Variants in MCUB observed in about 807,000 individuals in gnomAD.
The protein encoded by MCUB is calcium uniporter regulatory subunit MCUb, mitochondrial.
In MCUB, 46 loss-of-function variants were observed where a neutral mutation model predicts 41.4. The observed-to-expected ratio is 1.11, with a 90% CI of 0.88 to 1.42. The LOEUF (loss-of-function observed/expected upper bound fraction) is 1.42. MCUB is among the 40% of genes most tolerant of loss of function. The pLI is 0.00. For synonymous variants in MCUB, 148 were observed against 148.2 expected, an observed-to-expected ratio of 1.00 and a Z score of 0.01; for missense variants, 403 against 404.9, an observed-to-expected ratio of 1.00 and a Z score of 0.04.
intron 4 of MCUB, among the ~76,000 whole-genome samples, chr4:109,677,272 G>A (rs1054121407): frequency 1.3e-5 from 2 of 152,176 alleles, no homozygotes; most frequent in Admixed American, 1.3e-4. Flanking sequence ...TATTTTGGAA[G>A]TACAAACTCC....
chr4:109,591,819 C>T (rs1727443521), intron 1 of MCUB, among the ~76,000 whole-genome samples: 1 of 151,934 alleles, frequency 6.6e-6, no homozygotes, highest in Admixed American at 6.5e-5. Flanking sequence ...CTGCCTCAGC[C>T]TCCCAAGTAG....
intron 1 of MCUB, among the ~76,000 whole-genome samples, chr4:109,590,079 T>C (rs1727396829): frequency 6.6e-6 from 1 of 152,206 alleles, no homozygotes; most frequent in African/African-American, 2.4e-5. Context: ...ATATCAATTA[T>C]CTGTTTCATT....
At chr4:109,575,675 A>G (rs912832938) in intron 1 of MCUB, among the ~76,000 whole-genome samples, 2 of 152,226 alleles carry the variant, frequency 1.3e-5, no homozygotes, top group African/African-American at 4.8e-5. Context: ...CCTCTCTTGG[A>G]GAGAAAATAT....
chr4:109,656,942 G>A (rs1406665537), intron 1 of MCUB, among the ~76,000 whole-genome samples: 1 of 152,062 alleles, frequency 6.6e-6, no homozygotes, highest in Non-Finnish European at 1.5e-5. Flanking sequence ...TGCTCAGGCC[G>A]GGTGTGGTGG....
At chr4:109,621,237 C>G (rs1728245483) in intron 1 of MCUB, among the ~76,000 whole-genome samples, 2 of 152,070 alleles carry the variant, frequency 1.3e-5, no homozygotes, top group Admixed American at 1.3e-4. Flanking sequence ...GTAAATCTTA[C>G]CAGTTTGATT....
At chr4:109,586,928 G>A (rs1246056867) in intron 1 of MCUB, among the ~76,000 whole-genome samples, 1 of 152,218 alleles carries the variant, frequency 6.6e-6, no homozygotes, top group Non-Finnish European at 1.5e-5. Context: ...ACCCACTTGA[G>A]GAGGCAGTCT....
chr4:109,683,101 T>C (rs1729756687), intron 5 of MCUB: 1 of 157,482 alleles, frequency 6.3e-6, no homozygotes, highest in Non-Finnish European at 1.4e-5. Context: ...CCCTTTCCTT[T>C]TTAGAGAATA....
intron 1 of MCUB, among the ~76,000 whole-genome samples, chr4:109,658,675 T>A (rs1729159526): frequency 6.6e-6 from 1 of 152,176 alleles, no homozygotes. Flanking sequence ...CTAGACTAGA[T>A]ATACTTATGT....
At chr4:109,630,382 A>G (rs1290159339) in intron 1 of MCUB, among the ~76,000 whole-genome samples, 1 of 152,158 alleles carries the variant, frequency 6.6e-6, no homozygotes, top group East Asian at 1.9e-4. Context: ...GGATCACTTG[A>G]GCCCAGGAGT....
At chr4:109,627,335 A>G (rs756330200) in intron 1 of MCUB, among the ~76,000 whole-genome samples, 28 of 152,194 alleles carry the variant, frequency 1.8e-4, no homozygotes, top group African/African-American at 5.3e-4. Flanking sequence ...ATTAATCTCA[A>G]TAATTACTTG....
intron 1 of MCUB, among the ~76,000 whole-genome samples, chr4:109,656,652 G>T (rs6816926): frequency 0.7 from 106,974 of 151,952 alleles, 38,314 homozygotes; most frequent in African/African-American, 0.83. Context: ...ATTATAGGCA[G>T]GAGCCATCAC....
chr4:109,597,158 C>T (rs1372034557), intron 1 of MCUB, among the ~76,000 whole-genome samples: 28 of 151,878 alleles, frequency 1.8e-4, no homozygotes, highest in Admixed American at 1.8e-3. Flanking sequence ...GGCAACCATC[C>T]GATTTCTCAA....
chr4:109,685,329 G>A lies in MCUB; in HGVS notation c.895G>A (p.Val299Met), dbSNP rs765764154. ...HKKSKQQHFD[V>M]QQYNKLKEDL... The stretch of plus-strand genomic sequence containing the variant: ...GAAATCAAAGCAACAGCACTTTGAT[G>A]TGCAGCAATACAACAAGTTAAAAGA... The change falls in exon 7 of 8, where the codon GTG (valine) becomes ATG (methionine). Residue 299 changes from valine to methionine, a missense_variant. Val to Met is a conservative substitution (Grantham distance 21). Coordinates refer to ENST00000394650, the MANE Select transcript of MCUB (RefSeq NM_017918.5). The A allele has an allele frequency of 2.3e-5, 37 of 1,579,662 alleles. 1 individual carries two copies. The Middle Eastern group carries it at 1.5e-3, about 65-fold the overall frequency.
chr4:109,640,335 G>A (rs1228835974), intron 1 of MCUB, among the ~76,000 whole-genome samples: 7 of 152,172 alleles, frequency 4.6e-5, no homozygotes, highest in Non-Finnish European at 8.8e-5. Flanking sequence ...CAGGTCACAG[G>A]GGATATGATG....
chr4:109,584,986 G>A (rs1281717184), intron 1 of MCUB, among the ~76,000 whole-genome samples: 1 of 152,154 alleles, frequency 6.6e-6, no homozygotes, highest in Non-Finnish European at 1.5e-5. Flanking sequence ...CCAGAGCTGA[G>A]TTTAAGTCCT....
chr4:109,665,664 A>G (rs950512319), intron 4 of MCUB, among the ~76,000 whole-genome samples: 4 of 151,964 alleles, frequency 2.6e-5, no homozygotes, highest in African/African-American at 9.7e-5. Context: ...TTTTTCATTC[A>G]TTTTGTTGTT....
At chr4:109,592,897 T>C (rs576092204) in intron 1 of MCUB, among the ~76,000 whole-genome samples, 3 of 152,326 alleles carry the variant, frequency 2.0e-5, no homozygotes, top group Admixed American at 1.3e-4. Flanking sequence ...AGCTCTAATA[T>C]ACACACAGAT....
At position 109,684,487 on chromosome 4, in the gene MCUB, AC is replaced by A; in HGVS notation, c.658del (p.Leu220SerfsTer49). 1 of 1,612,760 alleles carries A rather than the reference AC, an allele frequency of 6.2e-7. No individual in the cohort carries two copies. The highest frequency in any genetic ancestry group is 8.5e-7 in the Non-Finnish European group (1 of 1,179,634). On this transcript the variant is annotated frameshift_variant, in exon 6 of 8. Transcript: ENST00000394650. LOFTEE classifies it high-confidence loss of function. ...CTCATTCGGAAGCCAAAACCAGTGG[AC>A]TCCTGTGGGCTGGATTGGCACTGCT... ...EAHSEAKTSGLLWAGLALLSI... is the reference protein window; with the variant it reads ...EAHSEAKTSGXLWAGLALLSI...
At position 109,659,059 on chromosome 4, in the gene MCUB, C is replaced by T. The variant is rs1309088111; in HGVS notation, c.148C>T (p.His50Tyr). 6.5e-7 allele frequency: 1 copy of T among 1,534,294 alleles called. No individual in the cohort carries two copies. The highest frequency in any genetic ancestry group is 1.4e-5 in the African/African-American group (1 of 72,620). The change falls in exon 2 of 8, where the codon CAT (histidine) becomes TAT (tyrosine). Residue 50 changes from histidine (H) to tyrosine (Y), a missense_variant. Physicochemically the swap from His to Tyr is moderately conservative, Grantham distance 83. Coordinates refer to ENST00000394650, the MANE Select transcript of MCUB (RefSeq NM_017918.5). The part of the protein sequence containing the change: ...CGNVKYYQSH[H>Y]YSTVVPPDEI... Reference sequence around the variant, plus strand: ...AAATGTGAAATACTACCAGTCACACCATTATAGTACCGTGGTGCCACCTGA... The same window carrying T: ...AAATGTGAAATACTACCAGTCACACTATTATAGTACCGTGGTGCCACCTGA...
Sources: gnomAD v4.1 joint callset for allele counts (sites outside exome capture counted in the v4.1 genomes callset) on GRCh38, gnomAD v4.1.1 for gene constraint, MANE v1.5 for transcripts, NCBI Gene and HGNC (gene_info 2026-07-23, HGNC 2026-07-21) for gene names.